The following DNAJC1 variants were observed in gnomAD, a reference collection of about 807,000 sequenced individuals.
DNAJC1 encodes dnaJ homolog subfamily C member 1.
In DNAJC1, 58 loss-of-function variants were observed where a neutral mutation model predicts 76.6. The observed-to-expected ratio is 0.76, with a 90% CI of 0.61 to 0.94. DNAJC1 has a LOEUF of 0.94. Among genes scored for constraint, DNAJC1 ranks in the 40% least tolerant of loss-of-function variants. DNAJC1 has a pLI of 0.00. For missense variants in DNAJC1, 689 were observed against 677.3 expected, an observed-to-expected ratio of 1.02 and a Z score of -0.19; for synonymous variants, 258 against 267.9, an observed-to-expected ratio of 0.96 and a Z score of 0.36.
intron 10 of DNAJC1, among the ~76,000 whole-genome samples, 166 bp from the exon 11 acceptor site, chr10:21,759,784 C>T (rs1280336391): frequency 6.6e-6 from 1 of 152,126 alleles, no homozygotes; most frequent in Non-Finnish European, 1.5e-5. Context: ...GGATCATTAC[C>T]CTAATGTTAC....
At chr10:21,997,787 GTTC>G (rs893809473) in intron 1 of DNAJC1, among the ~76,000 whole-genome samples, 128 of 152,236 alleles carry the variant, frequency 8.4e-4, no homozygotes, top group African/African-American at 2.5e-3. Flanking sequence ...GCACATCCCT[GTTC>G]TTCTGCTTTT....
intron 8 of DNAJC1, among the ~76,000 whole-genome samples, chr10:21,834,307 C>T (rs971591301): frequency 1.2e-4 from 19 of 152,168 alleles, no homozygotes; most frequent in East Asian, 3.9e-4. Flanking sequence ...CCCAGTGAAA[C>T]GTTGTTTAAA....
intron 7 of DNAJC1, among the ~76,000 whole-genome samples, chr10:21,899,062 G>A (rs1836599587): frequency 1.3e-5 from 2 of 152,130 alleles, no homozygotes; most frequent in African/African-American, 2.4e-5. Context: ...CCCAACCCCA[G>A]CCAAGGGAAG....
chr10:21,769,176 G>A (rs1310185536), intron 9 of DNAJC1, among the ~76,000 whole-genome samples: 1 of 152,056 alleles, frequency 6.6e-6, no homozygotes. Context: ...CCAGCTATTC[G>A]ATAATACTTT....
chr10:21,768,120 G>T (rs1415829115), intron 9 of DNAJC1, among the ~76,000 whole-genome samples: 1 of 152,114 alleles, frequency 6.6e-6, no homozygotes, highest in Non-Finnish European at 1.5e-5. Context: ...AAGAAATATG[G>T]GGTTAAAGTT....
At chr10:21,945,562 C>G (rs1293332277) in intron 1 of DNAJC1, among the ~76,000 whole-genome samples, 1 of 152,022 alleles carries the variant, frequency 6.6e-6, no homozygotes, top group Non-Finnish European at 1.5e-5. Flanking sequence ...AGAGGGGACA[C>G]CATTAGCAGG....
intron 1 of DNAJC1, among the ~76,000 whole-genome samples, chr10:21,959,182 T>TG (rs1837743746): frequency 2.0e-5 from 3 of 152,086 alleles, no homozygotes; most frequent in African/African-American, 7.2e-5. Context: ...TAGGATGCAG[T>TG]GGTGAGACCT....
At chr10:21,967,525 C>T (rs1837912987) in intron 1 of DNAJC1, among the ~76,000 whole-genome samples, 1 of 152,186 alleles carries the variant, frequency 6.6e-6, no homozygotes, top group Non-Finnish European at 1.5e-5. Context: ...GTTTTTATTT[C>T]AATTCCCTTT....
chr10:22,000,416 CT>C (rs1160875590), intron 1 of DNAJC1, among the ~76,000 whole-genome samples: 1 of 152,222 alleles, frequency 6.6e-6, no homozygotes. Context: ...CTACAAAGCC[CT>C]ACATGGTCTT....
intron 8 of DNAJC1, among the ~76,000 whole-genome samples, chr10:21,819,615 A>AT (rs1320932074): frequency 2.0e-5 from 3 of 152,162 alleles, no homozygotes; most frequent in Admixed American, 6.5e-5. Flanking sequence ...GATTTTTAAA[A>AT]TTTTTTTATT....
intron 8 of DNAJC1, among the ~76,000 whole-genome samples, chr10:21,852,991 C>T (rs2131690432): frequency 6.6e-6 from 1 of 152,278 alleles, no homozygotes; most frequent in Non-Finnish European, 1.5e-5. Flanking sequence ...AAATATCTTT[C>T]CTTTCCACTC....
chr10:21,861,431 G>A (rs573043229), intron 8 of DNAJC1, among the ~76,000 whole-genome samples: 2 of 152,096 alleles, frequency 1.3e-5, no homozygotes, highest in Admixed American at 6.5e-5. Context: ...TGAATTTAAC[G>A]CTTACCTCAA....
intron 7 of DNAJC1, among the ~76,000 whole-genome samples, chr10:21,894,597 G>C (rs1564819974): frequency 6.6e-6 from 1 of 152,134 alleles, no homozygotes; most frequent in Non-Finnish European, 1.5e-5. Context: ...AACAGAAGAG[G>C]AGAGAAAGCT....
intron 10 of DNAJC1, among the ~76,000 whole-genome samples, chr10:21,765,694 A>G (rs562353202): frequency 6.6e-6 from 1 of 152,084 alleles, no homozygotes; most frequent in Admixed American, 6.5e-5. Flanking sequence ...AAAATACAAA[A>G]ATCTGTCAGG....
chr10:21,935,887 T>C (rs949380190), intron 1 of DNAJC1, among the ~76,000 whole-genome samples: 3 of 152,152 alleles, frequency 2.0e-5, no homozygotes, highest in African/African-American at 7.2e-5. Flanking sequence ...CAAAATAAAT[T>C]ATGATATCCC....
At chr10:21,905,160 G>A (rs1434388925) in intron 6 of DNAJC1, among the ~76,000 whole-genome samples, 1 of 151,622 alleles carries the variant, frequency 6.6e-6, no homozygotes, top group Non-Finnish European at 1.5e-5. Context: ...TGAGGATTGA[G>A]GACTGAGGAC....
chr10:21,977,004 G>T (rs1838077374), intron 1 of DNAJC1, among the ~76,000 whole-genome samples: 1 of 152,122 alleles, frequency 6.6e-6, no homozygotes, highest in African/African-American at 2.4e-5. Flanking sequence ...GGGGCCAATG[G>T]TAAGCAACAG....
intron 10 of DNAJC1, 95 bp from the exon 11 acceptor site, chr10:21,759,713 C>A: frequency 8.4e-7 from 1 of 1,185,960 alleles, no homozygotes. Context: ...AGGCAGCGCA[C>A]TAGGCATTTT....
chr10:21,968,518 T>C (rs989571267), intron 1 of DNAJC1, among the ~76,000 whole-genome samples: 3 of 151,758 alleles, frequency 2.0e-5, no homozygotes, highest in African/African-American at 7.3e-5. Context: ...TTTTTTTTTT[T>C]CTTTTTTGAG....
Sources: allele counts gnomAD v4.1 joint callset (sites outside exome capture counted in the v4.1 genomes callset), GRCh38; gene constraint gnomAD v4.1.1; transcripts MANE v1.5; gene names NCBI Gene and HGNC (gene_info 2026-07-23, HGNC 2026-07-21).